Variants in SNTG2 observed in about 807,000 individuals in gnomAD.
SNTG2 encodes syntrophin gamma 2, also known as gamma-2-syntrophin.
Under a neutral mutation model 70.9 loss-of-function variants are expected in SNTG2, and 74 were observed. That is an observed-to-expected ratio of 1.04 (90% CI 0.86 to 1.27). The LOEUF is 1.27. SNTG2 is among the 50% of genes most tolerant of loss of function. The probability of loss-of-function intolerance (pLI) is 0.00; values close to 1 mark genes in which losing one functional copy is unlikely to be tolerated. For missense variants in SNTG2, 717 were observed against 690.7 expected, an observed-to-expected ratio of 1.04 and a Z score of -0.43; for synonymous variants, 278 against 273.8, an observed-to-expected ratio of 1.02 and a Z score of -0.15.
chr2:1,111,387 G>A (rs1310036107), intron 4 of SNTG2, among the ~76,000 whole-genome samples: 1 of 152,198 alleles, frequency 6.6e-6, no homozygotes, highest in East Asian at 1.9e-4. Flanking sequence ...TCAGCGTACG[G>A]CCGGGCCCCT....
chr2:1,177,587 A>C (rs1386538525), intron 8 of SNTG2, among the ~76,000 whole-genome samples: 1 of 152,170 alleles, frequency 6.6e-6, no homozygotes, highest in Non-Finnish European at 1.5e-5. Context: ...GAGAAGCTAG[A>C]GGAAATGAAA....
chr2:1,199,635 C>T (rs941709180), intron 8 of SNTG2, among the ~76,000 whole-genome samples: 2 of 151,778 alleles, frequency 1.3e-5, no homozygotes, highest in African/African-American at 4.8e-5. Flanking sequence ...AAGACTTCAC[C>T]AAAAAACTCT....
chr2:1,127,371 A>G (rs1014510006), intron 4 of SNTG2, among the ~76,000 whole-genome samples: 1 of 152,100 alleles, frequency 6.6e-6, no homozygotes, highest in African/African-American at 2.4e-5. Context: ...GCTTTATAAT[A>G]TAATCTTAGG....
At chr2:1,281,590 G>C (rs892248693) in intron 14 of SNTG2, among the ~76,000 whole-genome samples, 2 of 151,746 alleles carry the variant, frequency 1.3e-5, no homozygotes, top group African/African-American at 2.4e-5. Context: ...TTATCACAGT[G>C]TACATTGCAG....
chr2:1,041,882 G>T (rs1318648022), intron 1 of SNTG2, among the ~76,000 whole-genome samples: 2 of 152,310 alleles, frequency 1.3e-5, no homozygotes, highest in African/African-American at 4.8e-5. Context: ...TCCTTGGAAT[G>T]ATGGGGCTGA....
chr2:1,049,892 A>G (rs953497326), intron 1 of SNTG2, among the ~76,000 whole-genome samples: 5 of 152,166 alleles, frequency 3.3e-5, no homozygotes, highest in African/African-American at 1.2e-4. Flanking sequence ...CTCCAGTGAC[A>G]TGTTATTGAA....
At chr2:1,209,266 G>A (rs756374482) in intron 9 of SNTG2, 36 bp downstream of exon 9, 4 of 1,612,930 alleles carry the variant, frequency 2.5e-6, no homozygotes, top group Non-Finnish European at 2.5e-6. Context: ...AAACTTTGAT[G>A]AACCCCGTGC....
chr2:1,360,819 G>A (rs1661099151), intron 16 of SNTG2, among the ~76,000 whole-genome samples: 1 of 152,158 alleles, frequency 6.6e-6, no homozygotes, highest in Non-Finnish European at 1.5e-5. Flanking sequence ...TTGTAGAGAT[G>A]GAGTCTCTAA....
chr2:1,154,036 A>T (rs1220572840), intron 6 of SNTG2, among the ~76,000 whole-genome samples: 1 of 152,278 alleles, frequency 6.6e-6, no homozygotes. Flanking sequence ...TGTTACTTAT[A>T]TAAGCAAAAA....
intron 16 of SNTG2, among the ~76,000 whole-genome samples, chr2:1,342,060 A>G (rs901179873): frequency 6.6e-6 from 1 of 152,096 alleles, no homozygotes; most frequent in Admixed American, 6.5e-5. Flanking sequence ...GGACTTAGGT[A>G]ATTCAGACTC....
chr2:1,072,355 T>TTC (rs1558366960), intron 1 of SNTG2, among the ~76,000 whole-genome samples: 1 of 147,642 alleles, frequency 6.8e-6, no homozygotes, highest in East Asian at 2.0e-4. Context: ...TTTTCTTTTT[T>TTC]TTTTTTTTTT....
At chr2:1,112,451 T>G (rs897839553) in intron 4 of SNTG2, among the ~76,000 whole-genome samples, 5 of 148,556 alleles carry the variant, frequency 3.4e-5, no homozygotes, top group African/African-American at 1.0e-4. Context: ...GAGGAGGATT[T>G]TGTGTACTAA....
chr2:1,002,244 C>A (rs191044261), intron 1 of SNTG2, among the ~76,000 whole-genome samples: 84 of 152,028 alleles, frequency 5.5e-4, no homozygotes, highest in Admixed American at 9.8e-4. Context: ...AAATGGAAAA[C>A]ATCCCAAAAA....
In SNTG2 at chr2:1,165,639, A is replaced by G. The variant is rs372961875; in HGVS notation, c.499+4A>G. 25 of 1,609,176 alleles carry G rather than the reference A, an allele frequency of 1.6e-5. No individual in the cohort carries two copies. The highest frequency in any genetic ancestry group is 4.0e-5 in the African/African-American group (3 of 74,674). ...GCATTTCTGAAGCTCCCGTTAGGTA[A>G]GTGGGAAGAGGAGAAATGCCAGGGT... On this transcript the variant is annotated splice_donor_region_variant and intron_variant, in intron 7 of 16. Transcript: ENST00000308624.
At chr2:1,002,121 G>A (rs1176722652) in intron 1 of SNTG2, among the ~76,000 whole-genome samples, 1 of 151,898 alleles carries the variant, frequency 6.6e-6, no homozygotes, top group East Asian at 1.9e-4. Flanking sequence ...CTCAAAATAA[G>A]TTAAAAATTT....
chr2:1,355,355 C>T (rs532733172), intron 16 of SNTG2, among the ~76,000 whole-genome samples: 2 of 152,294 alleles, frequency 1.3e-5, no homozygotes, highest in Admixed American at 1.3e-4. Context: ...TCCCGTGTCC[C>T]CAGCTCCTGC....
intron 8 of SNTG2, among the ~76,000 whole-genome samples, chr2:1,190,611 A>G (rs1672537162): frequency 6.7e-6 from 1 of 149,366 alleles, no homozygotes; most frequent in African/African-American, 2.5e-5. Flanking sequence ...CCATATATAT[A>G]TTTGGAATAT....
chr2:1,162,120 C>G (rs1261027549), intron 6 of SNTG2, among the ~76,000 whole-genome samples: 1 of 151,306 alleles, frequency 6.6e-6, no homozygotes, highest in Non-Finnish European at 1.5e-5. Context: ...TACTCTGCCT[C>G]TCTCTATTGA....
intron 9 of SNTG2, among the ~76,000 whole-genome samples, chr2:1,237,362 A>G (rs748666811): frequency 2.6e-5 from 4 of 152,186 alleles, no homozygotes; most frequent in Non-Finnish European, 4.4e-5. Flanking sequence ...AGAACTACTG[A>G]ATTTGAGACG....
Sources: allele counts gnomAD v4.1 joint callset (sites outside exome capture counted in the v4.1 genomes callset), GRCh38; gene constraint gnomAD v4.1.1; transcripts MANE v1.5; gene names NCBI Gene and HGNC (gene_info 2026-07-23, HGNC 2026-07-21).